Variants in RNF216 observed in about 807,000 individuals in gnomAD.
RNF216 encodes the protein E3 ubiquitin-protein ligase RNF216.
RNF216 carries 72 observed loss-of-function variants against 110.8 expected under a neutral mutation model. That is an observed-to-expected ratio of 0.65 (90% CI 0.54 to 0.79). RNF216 has a LOEUF of 0.79. RNF216 is among the 30% of genes least tolerant of loss of function. RNF216 has a pLI of 0.00. For missense variants in RNF216, 1,342 were observed against 1,141.2 expected (o/e 1.18, Z -2.54); for synonymous variants, 495 against 407.5 (o/e 1.21, Z -2.59).
At chr7:5,757,416 G>GTC (rs72484515) in intron 2 of RNF216, among the ~76,000 whole-genome samples, 1 of 151,772 alleles carries the variant, frequency 6.6e-6, no homozygotes, top group Non-Finnish European at 1.5e-5. Flanking sequence ...CTCTTTTTGT[G>GTC]TGTGTGTGTG....
intron 13 of RNF216, among the ~76,000 whole-genome samples, chr7:5,700,652 T>A (rs890110711): frequency 6.6e-6 from 1 of 152,172 alleles, no homozygotes; most frequent in South Asian, 2.1e-4. Flanking sequence ...TAAGTACCCA[T>A]AGAAACTCGT....
chr7:5,770,351 C>G (rs1348320210), intron 1 of RNF216, among the ~76,000 whole-genome samples: 5 of 151,786 alleles, frequency 3.3e-5, no homozygotes, highest in African/African-American at 1.2e-4. Flanking sequence ...ATCCCAGCTA[C>G]TCAGGAGGCT....
At chr7:5,781,325 G>A (rs1797078010) in intron 1 of RNF216, among the ~76,000 whole-genome samples, 2 of 152,048 alleles carry the variant, frequency 1.3e-5, no homozygotes, top group African/African-American at 2.4e-5. Context: ...CGCCTTTGTC[G>A]CTCCAGCCTC....
chr7:5,736,387 G>A (rs1794400358), intron 5 of RNF216, among the ~76,000 whole-genome samples: 1 of 152,220 alleles, frequency 6.6e-6, no homozygotes, highest in South Asian at 2.1e-4. Flanking sequence ...CTCCCGAGGT[G>A]CCGGGATTGC....
At chr7:5,688,498 A>G (rs556270310) in intron 13 of RNF216, among the ~76,000 whole-genome samples, 1 of 152,354 alleles carries the variant, frequency 6.6e-6, no homozygotes, top group South Asian at 2.1e-4. Flanking sequence ...AGAAGTTATT[A>G]TAAACAAAAA....
rs1229293813 is a variant in RNF216, at chr7:5,748,657, CAT to C, written c.201+4187_201+4188del. ...ACACACACACACACACACACACACA[CAT>C]AATATACTAACTAAAGCATGTTAAC... is the stretch of plus-strand genomic sequence containing the variant. On this transcript the variant is annotated intron_variant, in intron 3 of 16. Transcript: ENST00000389902. Among the ~76,000 whole-genome samples, 163 of 131,550 alleles carry C rather than the reference CAT, an allele frequency of 1.2e-3. 1 individual carries two copies. The highest frequency in any genetic ancestry group is 2.7e-3 in the African/African-American group (95 of 35,256). The allele number at this position is 131,550 out of a possible 152,430, so 86.3% of individuals were successfully genotyped here.
chr7:5,687,651 AAACC>A (rs1791078055), intron 13 of RNF216, among the ~76,000 whole-genome samples: 1 of 152,186 alleles, frequency 6.6e-6, no homozygotes, highest in African/African-American at 2.4e-5. Context: ...ACAGAGGAGG[AAACC>A]AACACAGAGA....
chr7:5,655,069 T>A (rs934173917), intron 13 of RNF216, among the ~76,000 whole-genome samples: 3 of 152,226 alleles, frequency 2.0e-5, no homozygotes, highest in African/African-American at 7.2e-5. Flanking sequence ...AGATACTTTT[T>A]AGCATTCCTG....
intron 13 of RNF216, among the ~76,000 whole-genome samples, chr7:5,667,509 A>AT (rs1018971710): frequency 2.0e-5 from 3 of 152,070 alleles, no homozygotes; most frequent in African/African-American, 7.2e-5. Flanking sequence ...AACCAGGGGA[A>AT]CCCCCCAGCC....
intron 1 of RNF216, among the ~76,000 whole-genome samples, chr7:5,764,705 T>A (rs1328301303): frequency 1.3e-5 from 2 of 151,514 alleles, no homozygotes; most frequent in Non-Finnish European, 2.9e-5. Context: ...TAAAATATGA[T>A]CTTTAGGTAG....
intron 15 of RNF216, among the ~76,000 whole-genome samples, chr7:5,638,254 T>C (rs1321470638): frequency 2.0e-5 from 3 of 152,232 alleles, no homozygotes; most frequent in Non-Finnish European, 4.4e-5. Flanking sequence ...GAATTACTTT[T>C]TGTACAATTC....
chr7:5,740,076 G>A (rs1794667418), intron 4 of RNF216, among the ~76,000 whole-genome samples: 1 of 149,190 alleles, frequency 6.7e-6, no homozygotes, highest in Non-Finnish European at 1.5e-5. Context: ...CTTGTTTGAA[G>A]GCAAATAGTG....
chr7:5,675,259 C>T (rs1487091606), intron 13 of RNF216, among the ~76,000 whole-genome samples: 3 of 152,202 alleles, frequency 2.0e-5, no homozygotes, highest in African/African-American at 7.2e-5. Flanking sequence ...TATCCCTCTG[C>T]ACACACGCTA....
chr7:5,706,558 C>G (rs866122062), intron 13 of RNF216, among the ~76,000 whole-genome samples: 1 of 152,208 alleles, frequency 6.6e-6, no homozygotes, highest in East Asian at 1.9e-4. Context: ...TAGTATGTGC[C>G]AGGAGTTCCT....
At chr7:5,712,918 T>TA in intron 11 of RNF216, 55 bp from the exon 12 acceptor site, 1 of 1,519,466 alleles carries the variant, frequency 6.6e-7, no homozygotes, top group Non-Finnish European at 8.9e-7. Flanking sequence ...TATAGAAAAA[T>TA]AAAAAGCGTC....
intron 13 of RNF216, among the ~76,000 whole-genome samples, chr7:5,681,906 G>A (rs886722484): frequency 2.0e-5 from 3 of 152,220 alleles, no homozygotes; most frequent in Non-Finnish European, 4.4e-5. Flanking sequence ...TAGCCCCTAA[G>A]GGTGGTAACC....
chr7:5,694,539 G>C (rs1562399119), intron 13 of RNF216, among the ~76,000 whole-genome samples: 1 of 152,218 alleles, frequency 6.6e-6, no homozygotes, highest in Non-Finnish European at 1.5e-5. Flanking sequence ...TCTGCTATGA[G>C]ATCAGACAGT....
intron 13 of RNF216, among the ~76,000 whole-genome samples, chr7:5,677,486 C>T (rs1005184784): frequency 1.3e-5 from 2 of 152,032 alleles, no homozygotes; most frequent in African/African-American, 4.8e-5. Flanking sequence ...ATAAAAGATC[C>T]AAGCCATATC....
chr7:5,636,537 G>C (rs76856090), intron 15 of RNF216, among the ~76,000 whole-genome samples: 1,701 of 152,300 alleles, frequency 0.011, 37 homozygotes, highest in African/African-American at 0.039. Context: ...GGCCCTGCTG[G>C]TTAATTAAGC....
Sources: gnomAD v4.1 joint callset for allele counts (sites outside exome capture counted in the v4.1 genomes callset) on GRCh38, gnomAD v4.1.1 for gene constraint, MANE v1.5 for transcripts, NCBI Gene and HGNC (gene_info 2026-07-23, HGNC 2026-07-21) for gene names.